Variants in ARL17B observed in about 807,000 individuals in gnomAD.
The protein encoded by ARL17B is ARF like GTPase 17B, also known as ADP-ribosylation factor-like protein 17.
intron 3 of ARL17B, among the ~76,000 whole-genome samples, chr17:46,317,235 C>A (rs2051207771): frequency 3.7e-5 from 3 of 81,456 alleles, no homozygotes; most frequent in African/African-American, 6.3e-5. Flanking sequence ...TACTCTATTG[C>A]CAGTGCTGGT....
At position 46,335,139 on chromosome 17, in the gene ARL17B, A is replaced by T. The variant is rs2052252559; in HGVS notation, c.*4361T>A. ...CACTGGAGCCCAGGAGGTTGAGGCT[A>T]CAGTGAGCTGTGATCGTGACACCGC... On this transcript the variant is annotated 3_prime_UTR_variant, in exon 4 of 4. Coordinates refer to ENST00000450673, the MANE Select transcript of ARL17B (RefSeq NM_001039083.5). Among the ~76,000 whole-genome samples the T allele has an allele frequency of 2.2e-5, 1 of 45,070 alleles. No individual in the cohort carries two copies. The highest frequency in any genetic ancestry group is 3.8e-5 in the African/African-American group (1 of 25,976). 29.6% of individuals were successfully genotyped at this position (45,070 alleles called of 152,430 possible).
chr17:46,305,014 A>AGC (rs2050481240), intron 3 of ARL17B, among the ~76,000 whole-genome samples: 2 of 83,042 alleles, frequency 2.4e-5, no homozygotes, highest in East Asian at 6.4e-4. Flanking sequence ...GACTACAGGC[A>AGC]CGTGCCACTA....
At chr17:46,286,878 C>T (rs962620735) in intron 4 of ARL17B, among the ~76,000 whole-genome samples, 5 of 152,242 alleles carry the variant, frequency 3.3e-5, no homozygotes, top group Admixed American at 3.3e-4. Context: ...TACAGATGTA[C>T]ACATCCATTT....
chr17:46,276,176 C>T (rs1469845359), intron 4 of ARL17B, among the ~76,000 whole-genome samples: 8 of 152,254 alleles, frequency 5.3e-5, no homozygotes, highest in South Asian at 2.1e-4. Flanking sequence ...CAAGTGTGAG[C>T]CACCAAGGCT....
chr17:46,285,403 A>G (rs61048115), intron 4 of ARL17B, among the ~76,000 whole-genome samples: 19,470 of 150,158 alleles, frequency 0.13, 2 homozygotes, highest in Middle Eastern at 0.2. Context: ...ACCACACCCG[A>G]CTAGTTTTTT....
chr17:46,292,113 C>T (rs1445073671), intron 4 of ARL17B, among the ~76,000 whole-genome samples: 1 of 141,240 alleles, frequency 7.1e-6, no homozygotes, highest in African/African-American at 2.6e-5. Flanking sequence ...GGGAGGATCA[C>T]TTGAGGTCAG....
chr17:46,311,612 GA>G (rs1371181287), intron 3 of ARL17B, among the ~76,000 whole-genome samples: 12 of 90,618 alleles, frequency 1.3e-4, no homozygotes, highest in East Asian at 1.3e-3. Flanking sequence ...AATTTGGAGG[GA>G]AAAAAAAAAA....
chr17:46,274,228 T>C (rs2049530299), downstream of ARL17B, among the ~76,000 whole-genome samples: 1 of 152,258 alleles, frequency 6.6e-6, no homozygotes, highest in Non-Finnish European at 1.5e-5. Flanking sequence ...TTGTTTCACA[T>C]ACATCCATAG....
At chr17:46,332,934 C>G (rs1426781519), downstream of ARL17B, among the ~76,000 whole-genome samples, 3 of 151,424 alleles carry the variant, frequency 2.0e-5, no homozygotes, top group Non-Finnish European at 4.4e-5. Context: ...TTCTCCCACC[C>G]AAAACTATGT....
intron 4 of ARL17B, among the ~76,000 whole-genome samples, chr17:46,278,299 C>T (rs1172557401): frequency 6.6e-6 from 1 of 152,192 alleles, no homozygotes; most frequent in African/African-American, 2.4e-5. Context: ...CATTTAAGCC[C>T]TGTGATGGCA....
Position 46,327,988 on chromosome 17 carries a change from A to G in ARL17B, c.259+24832T>C, listed in dbSNP as rs1267040419. The stretch of plus-strand genomic sequence containing the variant: ...AGGTTAAACTATTTTTAATGCCCAG[A>G]GTAATTTATAATATTTCCCACTCCC... On this transcript the variant is annotated intron_variant, in intron 3 of 4. Coordinates refer to the ARL17B transcript ENST00000434041. Among the ~76,000 whole-genome samples the G allele has an allele frequency of 1.1e-4, 7 of 65,172 alleles. 3 individuals carry two copies. The highest frequency in any genetic ancestry group is 2.4e-4 in the African/African-American group (7 of 28,984). The allele number at this position is 65,172 out of a possible 152,430, so 42.8% of individuals were successfully genotyped here. A position where few individuals can be genotyped will look rare whatever the true frequency, so the allele number is the denominator to read the frequency against.
intron 3 of ARL17B, among the ~76,000 whole-genome samples, chr17:46,350,561 A>C (rs1262528166): frequency 2.6e-5 from 2 of 76,500 alleles, no homozygotes; most frequent in Non-Finnish European, 7.3e-5. Context: ...ATAAGCAGTT[A>C]AAAAAAAAAA....
At chr17:46,285,241 CTT>C (rs56201620) in intron 4 of ARL17B, among the ~76,000 whole-genome samples, 34 of 138,334 alleles carry the variant, frequency 2.5e-4, no homozygotes, top group Middle Eastern at 3.8e-3. Context: ...CTTTTCTTTC[CTT>C]TTTTTTTTTT....
chr17:46,280,946 T>G (rs2049746880), intron 4 of ARL17B, among the ~76,000 whole-genome samples: 1 of 152,220 alleles, frequency 6.6e-6, no homozygotes, highest in Non-Finnish European at 1.5e-5. Flanking sequence ...TGAAAATGTA[T>G]TTATTCTGAC....
chr17:46,277,637 T>TTTTCTTTTCTTTTCTTTC (rs1555610945), intron 4 of ARL17B, among the ~76,000 whole-genome samples: 29 of 150,356 alleles, frequency 1.9e-4, no homozygotes, highest in Middle Eastern at 3.4e-3. Context: ...TTTTCTTTTC[T>TTTTCTTTTCTTTTCTTTC]TTTCTTTCTT....
intron 4 of ARL17B, among the ~76,000 whole-genome samples, chr17:46,287,146 A>C (rs1471267226): frequency 6.6e-6 from 1 of 152,228 alleles, no homozygotes; most frequent in African/African-American, 2.4e-5. Flanking sequence ...ATGCTCTATC[A>C]CATGTGCAAA....
intron 4 of ARL17B, among the ~76,000 whole-genome samples, chr17:46,276,790 CTTT>C (rs75549659): frequency 2.2e-5 from 3 of 134,306 alleles, no homozygotes; most frequent in Non-Finnish European, 3.2e-5. Flanking sequence ...TTCTTTTTTT[CTTT>C]TTTTTTTTTT....
chr17:46,280,290 G>A (rs1262071187), intron 4 of ARL17B, among the ~76,000 whole-genome samples: 3 of 152,282 alleles, frequency 2.0e-5, no homozygotes, highest in Admixed American at 2.0e-4. Context: ...CTTGAACGCG[G>A]GAAGCGGAGG....
intron 4 of ARL17B, among the ~76,000 whole-genome samples, chr17:46,279,504 T>C (rs1013423553): frequency 7.7e-4 from 85 of 110,230 alleles, no homozygotes; most frequent in African/African-American, 2.0e-3. Flanking sequence ...TTCTTTCTTT[T>C]TTTTTTTTTT....
Sources: allele counts gnomAD v4.1 joint callset (sites outside exome capture counted in the v4.1 genomes callset), GRCh38; gene constraint gnomAD v4.1.1; transcripts MANE v1.5; gene names NCBI Gene and HGNC (gene_info 2026-07-23, HGNC 2026-07-21).